Variants in SNRPN observed in about 807,000 individuals in gnomAD.
SNRPN encodes small nuclear ribonucleoprotein-associated protein N.
SNRPN carries 7 observed loss-of-function variants against 25.2 expected under a neutral mutation model. That is an observed-to-expected ratio of 0.28 (90% CI 0.16 to 0.52). The LOEUF (loss-of-function observed/expected upper bound fraction) is 0.52, where lower values mean the gene tolerates loss of function less well. Among genes scored for constraint, SNRPN ranks in the 20% least tolerant of loss-of-function variants. The probability of loss-of-function intolerance (pLI) is 0.96; values close to 1 mark genes in which losing one functional copy is unlikely to be tolerated. For synonymous variants in SNRPN, 124 were observed against 110.6 expected, an observed-to-expected ratio of 1.12 and a Z score of -0.76; for missense variants, 196 against 322.5, an observed-to-expected ratio of 0.61 and a Z score of 3.00.
chr15:24,958,270 C>G (rs1022892809), intron 1 of SNRPN, among the ~76,000 whole-genome samples: 2 of 151,958 alleles, frequency 1.3e-5, no homozygotes, highest in Non-Finnish European at 2.9e-5. Flanking sequence ...TATCAGCGCC[C>G]TCTGTTTAGC....
chr15:24,918,548 GTGTATATATAACATAATATATATGTA>G lies in SNRPN; in HGVS notation c.-504-1461_-504-1436del, dbSNP rs1407204207. Among the ~76,000 whole-genome samples the G allele has an allele frequency of 1.1e-3, 127 of 120,722 alleles. 1 individual carries two copies. The highest frequency in any genetic ancestry group is 1.9e-3 in the Non-Finnish European group (114 of 60,998). 79.2% of individuals were successfully genotyped at this position (120,722 alleles called of 152,430 possible). A position where few individuals can be genotyped will look rare whatever the true frequency, so the allele number is the denominator to read the frequency against. ...TGTATATATAACATAATATATATGT[GTGTATATATAACATAATATATATGTA>G]TATATATAACATAATATATATGTAT... On this transcript the variant is annotated intron_variant, in intron 2 of 11. Transcript: ENST00000400097.
chr15:24,841,082 A>G (rs2143017180), intron 2 of SNRPN, among the ~76,000 whole-genome samples: 1 of 151,806 alleles, frequency 6.6e-6, no homozygotes. Flanking sequence ...CTCGTGATTC[A>G]CCCACTTCAG....
intron 2 of SNRPN, among the ~76,000 whole-genome samples, chr15:24,902,275 G>A (rs746979001): frequency 1.1e-4 from 17 of 152,076 alleles, no homozygotes; most frequent in Non-Finnish European, 2.5e-4. Flanking sequence ...TTGTGATTTA[G>A]GCTATGCATT....
At chr15:24,943,939 A>G (rs1416521896) in intron 3 of SNRPN, among the ~76,000 whole-genome samples, 3 of 152,074 alleles carry the variant, frequency 2.0e-5, no homozygotes, top group Non-Finnish European at 4.4e-5. Flanking sequence ...CTCATGCCTC[A>G]GCCTCCTGAG....
chr15:24,952,851 T>G (rs772383531), upstream of SNRPN, among the ~76,000 whole-genome samples: 2 of 151,990 alleles, frequency 1.3e-5, no homozygotes, highest in Non-Finnish European at 2.9e-5. Context: ...AAGAGAAACC[T>G]AAAGAAACAT....
At chr15:24,865,198 C>T (rs1171696825) in intron 1 of SNRPN, among the ~76,000 whole-genome samples, 2 of 152,066 alleles carry the variant, frequency 1.3e-5, no homozygotes, top group African/African-American at 4.8e-5. Context: ...GGGCACCTGC[C>T]ACCATGTCCA....
intron 2 of SNRPN, among the ~76,000 whole-genome samples, chr15:24,965,256 G>T (rs1021503009): frequency 6.6e-6 from 1 of 152,314 alleles, no homozygotes; most frequent in South Asian, 2.1e-4. Flanking sequence ...CAATGAAGGA[G>T]GCTGGGTGCG....
At position 24,955,006 on chromosome 15, in the gene SNRPN, G is replaced by A. The variant is rs375357277; in HGVS notation, c.-447G>A. On this transcript the variant is annotated 5_prime_UTR_variant, in exon 1 of 10. Coordinates refer to ENST00000390687, the MANE Select transcript of SNRPN (RefSeq NM_003097.6). ...TCTGGCGCAGAGTGGAGCGGCCGCC[G>A]GAGATGCCTGACGCATCTGTCTGAG... The A allele has an allele frequency of 1.9e-6, 3 of 1,611,582 alleles. No homozygotes were observed. Among genetic ancestry groups the A allele is most frequent in the South Asian group, 1.1e-5 (1 of 90,696 alleles).
chr15:24,889,252 T>C (rs1021205945), intron 2 of SNRPN, among the ~76,000 whole-genome samples: 16 of 151,844 alleles, frequency 1.1e-4, no homozygotes, highest in African/African-American at 2.9e-4. Flanking sequence ...AAAGAAAATT[T>C]GATTTATTTT....
intron 3 of SNRPN, chr15:24,921,129 C>T (rs1238225275): frequency 6.6e-6 from 1 of 152,180 alleles, no homozygotes; most frequent in Non-Finnish European, 1.5e-5. Context: ...TTGGCCAAGG[C>T]TCTTCTGACA....
intron 1 of SNRPN, among the ~76,000 whole-genome samples, chr15:24,825,487 T>C (rs756808201): frequency 2.6e-5 from 4 of 152,130 alleles, no homozygotes; most frequent in Non-Finnish European, 2.9e-5. Flanking sequence ...GAAAGCTCCA[T>C]TGAAATTACA....
chr15:24,888,757 A>T (rs1423618701), intron 2 of SNRPN, among the ~76,000 whole-genome samples: 1 of 152,138 alleles, frequency 6.6e-6, no homozygotes, highest in African/African-American at 2.4e-5. Flanking sequence ...GGCACAATTA[A>T]CCTAGTTTCC....
chr15:24,954,520 C>T (rs1489060571), upstream of SNRPN, among the ~76,000 whole-genome samples: 2 of 152,052 alleles, frequency 1.3e-5, no homozygotes, highest in Admixed American at 6.5e-5. Context: ...ATGTAGCATG[C>T]TTTTAGAGTT....
At chr15:24,963,499 C>A (rs539845602) in intron 2 of SNRPN, among the ~76,000 whole-genome samples, 7 of 151,936 alleles carry the variant, frequency 4.6e-5, no homozygotes, top group African/African-American at 1.7e-4. Context: ...CCTGTAATCC[C>A]AGCTACTTGG....
chr15:24,892,003 C>A (rs952878987), intron 2 of SNRPN, among the ~76,000 whole-genome samples: 1 of 152,126 alleles, frequency 6.6e-6, no homozygotes, highest in African/African-American at 2.4e-5. Context: ...AGGCTATGTA[C>A]TAAATATTAG....
intron 2 of SNRPN, among the ~76,000 whole-genome samples, chr15:24,906,620 G>T (rs1263016284): frequency 1.3e-5 from 2 of 152,152 alleles, no homozygotes; most frequent in African/African-American, 4.8e-5. Context: ...GTAGGTCAGA[G>T]AATTCTTTTG....
chr15:24,949,755 A>T (rs1327377653), intron 3 of SNRPN, among the ~76,000 whole-genome samples: 1 of 152,036 alleles, frequency 6.6e-6, no homozygotes, highest in African/African-American at 2.4e-5. Flanking sequence ...TCATGAATCA[A>T]CACTCCATTC....
intron 2 of SNRPN, among the ~76,000 whole-genome samples, 158 bp from the exon 3 acceptor site, chr15:24,967,774 C>T (rs557045770): frequency 6.9e-6 from 1 of 144,874 alleles, no homozygotes; most frequent in Non-Finnish European, 1.5e-5. Context: ...CTTCATTGCA[C>T]TCCAGCCTGG....
chr15:24,825,762 T>C (rs1193979739), intron 1 of SNRPN, among the ~76,000 whole-genome samples: 1 of 152,098 alleles, frequency 6.6e-6, no homozygotes, highest in Non-Finnish European at 1.5e-5. Flanking sequence ...CTCATGTAAC[T>C]TATTGAATAC....
Sources: gnomAD v4.1 joint callset for allele counts (sites outside exome capture counted in the v4.1 genomes callset) on GRCh38, gnomAD v4.1.1 for gene constraint, MANE v1.5 for transcripts, NCBI Gene and HGNC (gene_info 2026-07-23, HGNC 2026-07-21) for gene names.